SLC38A1: variants seen among roughly 807,000 people sequenced by gnomAD.
The protein encoded by SLC38A1 is solute carrier family 38 member 1.
SLC38A1 carries 18 observed loss-of-function variants against 60.3 expected under a neutral mutation model. The ratio of observed to expected loss-of-function variants is 0.30; its 90% CI spans 0.21 to 0.44. The LOEUF is 0.44. SLC38A1 is among the 20% of genes least tolerant of loss of function. The pLI is 1.00. For synonymous variants in SLC38A1, 196 were observed against 212.1 expected (o/e 0.92, Z 0.66); for missense variants, 448 against 587.2 (o/e 0.76, Z 2.45).
intron 1 of SLC38A1, among the ~76,000 whole-genome samples, chr12:46,246,898 A>G (rs1001287181): frequency 1.3e-5 from 2 of 152,226 alleles, no homozygotes; most frequent in African/African-American, 4.8e-5. Flanking sequence ...CAGGGTCTGG[A>G]AAGAACCTCC....
Position 46,183,132 on chromosome 12 carries a change from A to C in SLC38A1, c.*5838T>G, listed in dbSNP as rs1281868339. 1 of 152,388 alleles carries C rather than the reference A, an allele frequency of 6.6e-6. No individual in the cohort carries two copies. Among genetic ancestry groups the C allele is most frequent in the Non-Finnish European group, 1.5e-5 (1 of 68,002 alleles). The allele number at this position is 152,388 out of a possible 1,614,324, so 9.4% of individuals were successfully genotyped here. A position where few individuals can be genotyped will look rare whatever the true frequency, so the allele number is the denominator to read the frequency against. On this transcript the variant is annotated 3_prime_UTR_variant, in exon 17 of 17. Transcript: ENST00000398637. ...GAGCAGTTATAGAACAGAACTTCTTATATTTCTTTATTTACACCACACTCT... is the reference window on the plus strand; with the variant it reads ...GAGCAGTTATAGAACAGAACTTCTTCTATTTCTTTATTTACACCACACTCT...
At chr12:46,237,151 G>A (rs1433123354) in intron 3 of SLC38A1, among the ~76,000 whole-genome samples, 3 of 152,194 alleles carry the variant, frequency 2.0e-5, no homozygotes. Flanking sequence ...CACCATCAAT[G>A]TTTGTTTTCA....
At chr12:46,196,107 A>G (rs903156996) in intron 16 of SLC38A1, 12 of 1,529,706 alleles carry the variant, frequency 7.8e-6, no homozygotes, top group African/African-American at 1.4e-5. Context: ...GTATTTCTTT[A>G]TTAGCAGTGT....
At chr12:46,203,808 T>C (rs1207595010) in intron 11 of SLC38A1, among the ~76,000 whole-genome samples, 8 of 152,220 alleles carry the variant, frequency 5.3e-5, no homozygotes, top group African/African-American at 1.2e-4. Flanking sequence ...TTATTTTTAC[T>C]CAAGGGGTTG....
intron 1 of SLC38A1, among the ~76,000 whole-genome samples, chr12:46,252,645 GA>G (rs902466369): frequency 4.0e-5 from 6 of 151,648 alleles, no homozygotes; most frequent in African/African-American, 1.5e-4. Context: ...CAACCAAAAA[GA>G]AAAAAGTTCA....
At chr12:46,232,800 C>T (rs1356111069) in intron 3 of SLC38A1, among the ~76,000 whole-genome samples, 19 of 152,130 alleles carry the variant, frequency 1.2e-4, no homozygotes. Context: ...TATGCATATC[C>T]TCCTGTATAC....
In SLC38A1 at chr12:46,223,452, TCACACA is replaced by T. The variant is rs146387838; in HGVS notation, c.314+5695_314+5700del. Among the ~76,000 whole-genome samples, 425 of 146,184 alleles carry T rather than the reference TCACACA, an allele frequency of 2.9e-3. 1 individual carries two copies. Among genetic ancestry groups the T allele is most frequent in the African/African-American group, 9.7e-3 (391 of 40,224 alleles). ...CTCCATCTCTCTTTCTCTCTCACAT[TCACACA>T]CACACACACACACACACACACCCCA... On this transcript the variant is annotated intron_variant, in intron 5 of 16. Transcript: ENST00000398637.
At chr12:46,189,908 C>T (rs1025057699) in intron 16 of SLC38A1, among the ~76,000 whole-genome samples, 1 of 152,048 alleles carries the variant, frequency 6.6e-6, no homozygotes, top group Non-Finnish European at 1.5e-5. Flanking sequence ...AATTAAACCT[C>T]TTTCCTTTAT....
intron 3 of SLC38A1, among the ~76,000 whole-genome samples, chr12:46,236,248 G>GA (rs1941254353): frequency 6.6e-6 from 1 of 152,080 alleles, no homozygotes; most frequent in Admixed American, 6.5e-5. Context: ...TTTTATGTGT[G>GA]AAAAATTAGA....
At position 46,207,222 on chromosome 12, in the gene SLC38A1, G is replaced by C; in HGVS notation, c.496C>G (p.Leu166Val). ...GGTAGTTCATTTTTTACGATGAAGAGGTAGCTCAGCATTGCTGAAGGAAAA... is the reference window on the plus strand; with the variant it reads ...GGTAGTTCATTTTTTACGATGAAGACGTAGCTCAGCATTGCTGAAGGAAAA... The part of the protein sequence containing the change: ...LQNTGAMLSY[L>V]FIVKNELPSA... The change falls in exon 8 of 17, where the codon CTC becomes GTC. Residue 166 changes from leucine (L) to valine (V), a missense_variant. Transcript: ENST00000398637. The C allele has an allele frequency of 6.2e-7, 1 of 1,612,584 alleles. No homozygotes were observed. Among genetic ancestry groups the C allele is most frequent in the Non-Finnish European group, 8.5e-7 (1 of 1,179,112 alleles).
chr12:46,204,434 T>G lies in SLC38A1; in HGVS notation c.706-17A>C. ...GTAAATAACCTGGTATTAAGAAGTA[T>G]AGTAGAAGCAATATGGACTTTAGTA... On this transcript the variant is annotated splice_polypyrimidine_tract_variant and intron_variant, in intron 10 of 16. Transcript: ENST00000398637. 1 of 1,596,268 alleles carries G rather than the reference T, an allele frequency of 6.3e-7. No individual in the cohort carries two copies. Among genetic ancestry groups the G allele is most frequent in the South Asian group, 1.1e-5 (1 of 90,704 alleles).
chr12:46,198,584 G>A, intron 14 of SLC38A1, 41 bp downstream of exon 14: 1 of 1,384,562 alleles, frequency 7.2e-7, no homozygotes, highest in Non-Finnish European at 9.9e-7. Context: ...GGAAAGCCGA[G>A]ACCTCAGCTT....
chr12:46,229,809 C>G (rs1160538518), intron 3 of SLC38A1, among the ~76,000 whole-genome samples, 170 bp from the exon 4 acceptor site: 1 of 152,064 alleles, frequency 6.6e-6, no homozygotes, highest in Non-Finnish European at 1.5e-5. Context: ...TTTTCTTTTG[C>G]CATTATGAGT....
At chr12:46,215,402 TTCC>T (rs1436387163) in intron 5 of SLC38A1, among the ~76,000 whole-genome samples, 1 of 152,190 alleles carries the variant, frequency 6.6e-6, no homozygotes, top group Non-Finnish European at 1.5e-5. Context: ...TTTGGTTGAC[TTCC>T]TCAAGCATTA....
chr12:46,210,904 G>T (rs1453792635), intron 5 of SLC38A1, among the ~76,000 whole-genome samples: 1 of 152,168 alleles, frequency 6.6e-6, no homozygotes, highest in Non-Finnish European at 1.5e-5. Flanking sequence ...CTAATACACT[G>T]ATTAAGAGGG....
intron 1 of SLC38A1, among the ~76,000 whole-genome samples, chr12:46,252,995 T>TGAA (rs1941906360): frequency 9.0e-6 from 1 of 110,512 alleles, no homozygotes; most frequent in African/African-American, 3.4e-5. Flanking sequence ...TATCTTTTTT[T>TGAA]GAAAAAAAAA....
intron 16 of SLC38A1, 124 bp from the exon 17 acceptor site, chr12:46,189,195 C>T (rs1004778617): frequency 1.7e-5 from 11 of 649,662 alleles, no homozygotes; most frequent in Non-Finnish European, 2.5e-5. Context: ...GAGTTTGTCA[C>T]AACCATGGCT....
At chr12:46,239,986 G>T in intron 2 of SLC38A1, 93 bp from the exon 3 acceptor site, 1 of 566,176 alleles carries the variant, frequency 1.8e-6, no homozygotes, top group South Asian at 2.2e-5. Flanking sequence ...TTAATTTACT[G>T]ATTATACAAT....
intron 9 of SLC38A1, 116 bp from the exon 10 acceptor site, chr12:46,204,706 C>T (rs1939816780): frequency 2.9e-6 from 2 of 689,788 alleles, no homozygotes; most frequent in African/African-American, 3.6e-5. Context: ...TATTTCAGTG[C>T]ATTATTTGAA....
Sources: gnomAD v4.1 joint callset for allele counts (sites outside exome capture counted in the v4.1 genomes callset) on GRCh38, gnomAD v4.1.1 for gene constraint, MANE v1.5 for transcripts, NCBI Gene and HGNC (gene_info 2026-07-23, HGNC 2026-07-21) for gene names.